Variants in ALPK1 observed in about 807,000 individuals in gnomAD.
ALPK1 encodes alpha kinase 1, also known as alpha-protein kinase 1.
Under a neutral mutation model 120.6 loss-of-function variants are expected in ALPK1, and 110 were observed. The observed-to-expected ratio is 0.91, with a 90% CI of 0.78 to 1.07. ALPK1 has a LOEUF of 1.07. ALPK1 is among the 50% of genes least tolerant of loss of function. ALPK1 has a pLI of 0.00. For synonymous variants in ALPK1, 582 were observed against 560.3 expected (o/e 1.04, Z -0.55); for missense variants, 1,498 against 1,483.9 (o/e 1.01, Z -0.16).
intron 5 of ALPK1, among the ~76,000 whole-genome samples, chr4:112,418,548 G>A (rs1051784143): frequency 2.0e-5 from 3 of 152,188 alleles, no homozygotes; most frequent in Non-Finnish European, 4.4e-5. Flanking sequence ...AGTGGTACCC[G>A]CAGTGGCCTG....
chr4:112,410,518 A>T (rs909005718), intron 4 of ALPK1, among the ~76,000 whole-genome samples: 5 of 152,262 alleles, frequency 3.3e-5, no homozygotes, highest in African/African-American at 1.2e-4. Context: ...TGATGAAAGC[A>T]GTACTTTGTG....
chr4:112,328,263 A>G (rs559234886), intron 2 of ALPK1, among the ~76,000 whole-genome samples: 2 of 152,226 alleles, frequency 1.3e-5, no homozygotes, highest in Non-Finnish European at 2.9e-5. Context: ...GTGGGACTAG[A>G]CTGCATTAGC....
chr4:112,439,399 G>T lies in ALPK1; in HGVS notation c.3352-287G>T, dbSNP rs78979128. The stretch of plus-strand genomic sequence containing the variant: ...CCTGGTAACCTAGCCTCCAGGACAG[G>T]TCACGTCATGGCCTAAATCTTAAGT... On this transcript the variant is annotated intron_variant, in intron 13 of 15. Coordinates refer to ENST00000650871, the MANE Select transcript of ALPK1 (RefSeq NM_025144.4). 6.0e-3 allele frequency among the ~76,000 whole-genome samples: 917 copies of T among 152,224 alleles called. 8 individuals are homozygous for T. Among genetic ancestry groups the T allele is most frequent in the African/African-American group, 0.021 (860 of 41,532 alleles).
At chr4:112,362,079 C>G (rs928121040) in intron 2 of ALPK1, among the ~76,000 whole-genome samples, 31 of 152,222 alleles carry the variant, frequency 2.0e-4, no homozygotes, top group African/African-American at 7.2e-4. Context: ...GACAAAAGAA[C>G]CTGAACAGCA....
intron 11 of ALPK1, 49 bp from the exon 12 acceptor site, chr4:112,435,099 G>A (rs763506704): frequency 1.6e-5 from 25 of 1,572,584 alleles, no homozygotes; most frequent in Non-Finnish European, 1.9e-5. Context: ...TTCATGAATT[G>A]TAACGTCCTT....
chr4:112,340,216 C>T (rs13125971), intron 2 of ALPK1, among the ~76,000 whole-genome samples: 21 of 152,294 alleles, frequency 1.4e-4, no homozygotes, highest in Admixed American at 7.8e-4. Flanking sequence ...AGCCTTAGTG[C>T]GCTGGGAGCA....
chr4:112,312,695 C>CTT, intron 1 of ALPK1, among the ~76,000 whole-genome samples: 1 of 152,318 alleles, frequency 6.6e-6, no homozygotes, highest in East Asian at 1.9e-4. Flanking sequence ...GCTGGTAATA[C>CTT]CTCTCGTTTG....
At chr4:112,332,952 T>C (rs780449216) in intron 2 of ALPK1, among the ~76,000 whole-genome samples, 1 of 152,192 alleles carries the variant, frequency 6.6e-6, no homozygotes, top group Non-Finnish European at 1.5e-5. Context: ...TGATGCACTT[T>C]CAAAGAACTT....
intron 2 of ALPK1, among the ~76,000 whole-genome samples, chr4:112,324,283 T>C (rs184418395): frequency 0.055 from 8,011 of 146,702 alleles, 242 homozygotes; most frequent in African/African-American, 0.084. Context: ...GCCGAGATCA[T>C]GCCACTGCAC....
Position 112,313,021 on chromosome 4 carries a change from T to G in ALPK1, c.-152-2780T>G, listed in dbSNP as rs537546769. 3.3e-5 allele frequency among the ~76,000 whole-genome samples: 5 copies of G among 152,348 alleles called. No individual in the cohort carries two copies. The East Asian group carries it at 9.6e-4, about 29-fold the overall frequency. ...CAAGAGTTGGCCTTTCATTTCACTC[T>G]GCTGACAAGGTTCAGTCATTAACAA... On this transcript the variant is annotated intron_variant, in intron 1 of 15. Transcript: ENST00000650871.
intron 4 of ALPK1, chr4:112,383,339 G>A (rs1465831334): frequency 6.6e-6 from 1 of 151,554 alleles, no homozygotes; most frequent in Non-Finnish European, 1.5e-5. Context: ...AGGCATTAAA[G>A]CATGACAATA....
At chr4:112,332,133 A>G (rs1289414340) in intron 2 of ALPK1, among the ~76,000 whole-genome samples, 1 of 152,230 alleles carries the variant, frequency 6.6e-6, no homozygotes, top group Non-Finnish European at 1.5e-5. Context: ...CCCAAGGGCT[A>G]AGTGGCAAGA....
At position 112,432,749 on chromosome 4, in the gene ALPK1, C is replaced by T. The variant is rs577313109; in HGVS notation, c.3034+168C>T. ...CTTCAGGGGTCTCCCTCACTCTGTG[C>T]GATGGACCTTAATGGTTGTAAAGAA... is the stretch of plus-strand genomic sequence containing the variant. On this transcript the variant is annotated intron_variant, in intron 11 of 15. Coordinates refer to ENST00000650871, the MANE Select transcript of ALPK1 (RefSeq NM_025144.4). Among the ~76,000 whole-genome samples the T allele has an allele frequency of 1.6e-4, 25 of 152,256 alleles. 1 individual carries two copies. The highest frequency in any genetic ancestry group is 5.1e-4 in the African/African-American group (21 of 41,536).
chr4:112,382,257 C>T (rs1455567300), intron 3 of ALPK1, 141 bp from the exon 4 acceptor site: 1 of 1,044,922 alleles, frequency 9.6e-7, no homozygotes, highest in Non-Finnish European at 1.4e-6. Flanking sequence ...CAGCTTAGAC[C>T]AGCCAGCAAG....
chr4:112,412,801 G>T (rs1733548717), intron 5 of ALPK1, among the ~76,000 whole-genome samples: 2 of 152,184 alleles, frequency 1.3e-5, no homozygotes, highest in Non-Finnish European at 2.9e-5. Context: ...TTTTCTGATT[G>T]GTTTTAGCTG....
At chr4:112,404,778 A>G (rs1339801535) in intron 4 of ALPK1, among the ~76,000 whole-genome samples, 1 of 152,196 alleles carries the variant, frequency 6.6e-6, no homozygotes, top group Non-Finnish European at 1.5e-5. Context: ...GTGCCTATAA[A>G]TATTCTTGAG....
intron 1 of ALPK1, among the ~76,000 whole-genome samples, chr4:112,313,422 G>C (rs946851872): frequency 2.6e-5 from 4 of 152,076 alleles, no homozygotes; most frequent in Admixed American, 6.5e-5. Context: ...AAGATAAGGA[G>C]TAAGAATTGA....
chr4:112,342,107 A>G, intron 2 of ALPK1, among the ~76,000 whole-genome samples: 1 of 152,184 alleles, frequency 6.6e-6, no homozygotes, highest in African/African-American at 2.4e-5. Context: ...CTGTGTGAAA[A>G]TGTACTTTAA....
chr4:112,377,341 T>C (rs1731711058), intron 2 of ALPK1, among the ~76,000 whole-genome samples: 1 of 152,106 alleles, frequency 6.6e-6, no homozygotes, highest in Non-Finnish European at 1.5e-5. Context: ...GAGCAGAGAG[T>C]GTGGTGCCAC....
Sources: allele counts gnomAD v4.1 joint callset (sites outside exome capture counted in the v4.1 genomes callset), GRCh38; gene constraint gnomAD v4.1.1; transcripts MANE v1.5; gene names NCBI Gene and HGNC (gene_info 2026-07-23, HGNC 2026-07-21).